NDUFAF2: variants seen among roughly 807,000 people sequenced by gnomAD.
The protein encoded by NDUFAF2 is NADH:ubiquinone oxidoreductase complex assembly factor 2, also known as NADH dehydrogenase [ubiquinone] 1 alpha subcomplex assembly factor 2.
In NDUFAF2, 13 loss-of-function variants were observed where a neutral mutation model predicts 22.8. The ratio of observed to expected loss-of-function variants is 0.57; its 90% confidence interval spans 0.37 to 0.91. NDUFAF2 has a LOEUF of 0.91. NDUFAF2 is among the 40% of genes least tolerant of loss of function. The pLI is 0.01. For synonymous variants in NDUFAF2, 53 were observed against 64.2 expected (o/e 0.83, Z 0.84); for missense variants, 162 against 195.2 (o/e 0.83, Z 1.01).
intron 3 of NDUFAF2, among the ~76,000 whole-genome samples, chr5:61,133,296 G>C (rs1308633075): frequency 1.3e-5 from 2 of 152,174 alleles, no homozygotes; most frequent in African/African-American, 2.4e-5. Flanking sequence ...GTCCAAAATA[G>C]TTGGTTGACT....
At chr5:60,955,826 A>T (rs1406857000) in intron 1 of NDUFAF2, among the ~76,000 whole-genome samples, 1 of 151,504 alleles carries the variant, frequency 6.6e-6, no homozygotes, top group Non-Finnish European at 1.5e-5. Flanking sequence ...TACTTTATTG[A>T]TGTTATTGTA....
chr5:61,106,053 G>T (rs760096707), intron 3 of NDUFAF2, among the ~76,000 whole-genome samples: 1 of 151,496 alleles, frequency 6.6e-6, no homozygotes, highest in East Asian at 1.9e-4. Context: ...TTAAAAATCC[G>T]TTTAAGAAGC....
chr5:60,995,339 A>G (rs1007305130), intron 1 of NDUFAF2, among the ~76,000 whole-genome samples: 11 of 152,136 alleles, frequency 7.2e-5, no homozygotes, highest in African/African-American at 2.7e-4. Context: ...AAGGCTTTCT[A>G]GATATTTGAA....
chr5:61,022,690 G>A (rs148700079), intron 1 of NDUFAF2, among the ~76,000 whole-genome samples: 1,795 of 152,310 alleles, frequency 0.012, 14 homozygotes, highest in South Asian at 0.027. Context: ...TGTGGCCCAG[G>A]CTGGAGTGTA....
chr5:60,945,449 T>C (rs772173555), intron 1 of NDUFAF2, 67 bp downstream of exon 1: 194 of 1,608,636 alleles, frequency 1.2e-4, no homozygotes, highest in Admixed American at 1.8e-4. Flanking sequence ...GAGGGAAAAG[T>C]GAGAGCCCCT....
chr5:61,001,693 A>G (rs959094547), intron 1 of NDUFAF2, among the ~76,000 whole-genome samples: 2 of 152,140 alleles, frequency 1.3e-5, no homozygotes, highest in African/African-American at 2.4e-5. Flanking sequence ...TTATTAAACT[A>G]TAAAATATTT....
chr5:61,124,764 A>G (rs1753015034), intron 3 of NDUFAF2, among the ~76,000 whole-genome samples: 1 of 152,138 alleles, frequency 6.6e-6, no homozygotes, highest in Non-Finnish European at 1.5e-5. Context: ...TTAGCCTCAC[A>G]GTACTTTTTA....
chr5:61,010,214 A>G (rs1351391222), intron 1 of NDUFAF2, among the ~76,000 whole-genome samples: 3 of 152,178 alleles, frequency 2.0e-5, no homozygotes, highest in African/African-American at 7.2e-5. Context: ...TGAGTTTCAA[A>G]TCTGATTATA....
intron 2 of NDUFAF2, among the ~76,000 whole-genome samples, chr5:61,078,357 G>A (rs1752395569): frequency 1.3e-5 from 2 of 152,152 alleles, no homozygotes; most frequent in South Asian, 2.1e-4. Flanking sequence ...TAAGGAAAAG[G>A]CATTTTGGGG....
chr5:61,132,892 G>A (rs1019393440), intron 3 of NDUFAF2, among the ~76,000 whole-genome samples: 2 of 150,208 alleles, frequency 1.3e-5, no homozygotes, highest in Non-Finnish European at 2.9e-5. Context: ...TCCTGCTACT[G>A]TATCACTTTA....
At chr5:61,140,707 A>G (rs1248523149) in intron 3 of NDUFAF2, among the ~76,000 whole-genome samples, 2 of 152,216 alleles carry the variant, frequency 1.3e-5, no homozygotes, top group Admixed American at 1.3e-4. Flanking sequence ...TGAAACCTAA[A>G]TATCCTAACA....
intron 1 of NDUFAF2, among the ~76,000 whole-genome samples, chr5:60,969,470 T>C (rs1750799959): frequency 6.6e-6 from 1 of 152,178 alleles, no homozygotes; most frequent in Non-Finnish European, 1.5e-5. Flanking sequence ...TGAACGATGT[T>C]GTGCACCTTT....
intron 3 of NDUFAF2, among the ~76,000 whole-genome samples, chr5:61,109,055 G>A (rs295551): frequency 0.6 from 91,422 of 151,970 alleles, 28,241 homozygotes; most frequent in East Asian, 0.94. Context: ...TAATATGGAC[G>A]TTTTTAACAA....
chr5:61,134,259 CAG>C (rs79831905), intron 3 of NDUFAF2, among the ~76,000 whole-genome samples: 79,206 of 151,616 alleles, frequency 0.52, 21,884 homozygotes, highest in East Asian at 0.91. Flanking sequence ...GGAGGATAAA[CAG>C]AAAATTAATA....
chr5:61,058,496 C>G (rs1189265446), intron 1 of NDUFAF2, among the ~76,000 whole-genome samples: 1 of 151,920 alleles, frequency 6.6e-6, no homozygotes, highest in African/African-American at 2.4e-5. Flanking sequence ...CAATCACATT[C>G]ATAAATGTCC....
intron 2 of NDUFAF2, among the ~76,000 whole-genome samples, chr5:61,079,035 GTT>G (rs1333791924): frequency 6.6e-6 from 1 of 152,130 alleles, no homozygotes; most frequent in Non-Finnish European, 1.5e-5. Flanking sequence ...GCAGAATATA[GTT>G]GGAGGAGGCA....
At chr5:61,024,876 T>G (rs1407362451) in intron 1 of NDUFAF2, among the ~76,000 whole-genome samples, 2 of 152,150 alleles carry the variant, frequency 1.3e-5, no homozygotes, top group Non-Finnish European at 2.9e-5. Flanking sequence ...CCTTGTTCTC[T>G]GTTTCCAATT....
At chr5:61,040,817 T>C (rs888782197) in intron 1 of NDUFAF2, among the ~76,000 whole-genome samples, 2 of 152,172 alleles carry the variant, frequency 1.3e-5, no homozygotes, top group African/African-American at 4.8e-5. Flanking sequence ...AAAAAATAAT[T>C]GTAGATAATT....
At chr5:61,111,607 T>C (rs1752841427) in intron 3 of NDUFAF2, among the ~76,000 whole-genome samples, 1 of 151,752 alleles carries the variant, frequency 6.6e-6, no homozygotes, top group Non-Finnish European at 1.5e-5. Context: ...CAGCTAGGTT[T>C]TTTTTGTTTG....
Sources: gnomAD v4.1 joint callset for allele counts (sites outside exome capture counted in the v4.1 genomes callset) on GRCh38, gnomAD v4.1.1 for gene constraint, MANE v1.5 for transcripts, NCBI Gene and HGNC (gene_info 2026-07-23, HGNC 2026-07-21) for gene names.